COL26A1: variants seen among roughly 807,000 people sequenced by gnomAD.
COL26A1 encodes the protein collagen type XXVI alpha 1 chain.
A neutral mutation model predicts 59.3 loss-of-function variants in COL26A1; 41 were observed. That is an observed-to-expected ratio of 0.69 (90% CI 0.54 to 0.90). COL26A1 has a LOEUF of 0.90. Ranked by LOEUF, COL26A1 falls within the 40% of genes least tolerant of loss-of-function variation. The pLI is 0.00. For synonymous variants in COL26A1, 266 were observed against 256.0 expected, an observed-to-expected ratio of 1.04 and a Z score of -0.37; for missense variants, 612 against 602.3, an observed-to-expected ratio of 1.02 and a Z score of -0.17.
At chr7:101,468,421 C>T (rs1481083005) in intron 3 of COL26A1, among the ~76,000 whole-genome samples, 1 of 152,196 alleles carries the variant, frequency 6.6e-6, no homozygotes, top group Non-Finnish European at 1.5e-5. Context: ...TCTTTTATCA[C>T]TTTGTAAGTG....
chr7:101,434,067 TCCCTCCCTCCCTCCCTCC>T (rs1562976879), intron 2 of COL26A1, among the ~76,000 whole-genome samples: 25 of 49,492 alleles, frequency 5.1e-4, no homozygotes, highest in African/African-American at 1.6e-3. Context: ...CCTCCCTCCC[TCCCTCCCTCCCTCCCTCC>T]CTCCCTCTTT....
intron 3 of COL26A1, among the ~76,000 whole-genome samples, chr7:101,475,860 TTCTC>T (rs139010328): frequency 1.0e-3 from 138 of 132,540 alleles, no homozygotes; most frequent in Non-Finnish European, 1.9e-3. Flanking sequence ...CTCTCTCTTT[TTCTC>T]TCTCTTTCTT....
At chr7:101,385,855 C>G (rs181870803) in intron 1 of COL26A1, among the ~76,000 whole-genome samples, 2 of 152,112 alleles carry the variant, frequency 1.3e-5, no homozygotes, top group Admixed American at 1.3e-4. Flanking sequence ...CAGGCGCCCA[C>G]CACCACGCCC....
intron 1 of COL26A1, chr7:101,389,089 G>A (rs370707368): frequency 1.5e-4 from 27 of 180,612 alleles, no homozygotes; most frequent in African/African-American, 3.3e-4. Flanking sequence ...CTCAGTATCC[G>A]TCTTAACATT....
intron 1 of COL26A1, among the ~76,000 whole-genome samples, chr7:101,403,697 A>C (rs1792065630): frequency 6.6e-6 from 1 of 152,176 alleles, no homozygotes; most frequent in African/African-American, 2.4e-5. Flanking sequence ...TTTCAATGGC[A>C]GTCCTCTTCT....
At chr7:101,476,767 T>C (rs745327040) in intron 3 of COL26A1, among the ~76,000 whole-genome samples, 29 of 151,398 alleles carry the variant, frequency 1.9e-4, no homozygotes, top group Admixed American at 4.6e-4. Context: ...CAGGATGGTC[T>C]CGATCTCCTG....
chr7:101,497,789 TG>T (rs1490862221), intron 3 of COL26A1, among the ~76,000 whole-genome samples: 10 of 152,176 alleles, frequency 6.6e-5, no homozygotes, highest in African/African-American at 2.4e-4. Flanking sequence ...AAGACCAGCT[TG>T]GGCAACATAG....
chr7:101,424,850 C>A (rs968886207), intron 2 of COL26A1, among the ~76,000 whole-genome samples: 2 of 152,070 alleles, frequency 1.3e-5, no homozygotes, highest in Non-Finnish European at 2.9e-5. Flanking sequence ...TTTGTGGCAG[C>A]CATCTCACTG....
rs1415198671 is a variant in COL26A1, at chr7:101,539,940, C to T, written c.495C>T (p.Asp165=). ...AACGGCCCTCCAGCCCGGACAACGA[C>T]CTGCCAGCCCCCGAGAGCACTCCGC... is the stretch of plus-strand genomic sequence containing the variant. The part of the protein sequence containing the change: ...AAERPSSPDN[D]LPAPESTPPT... Residue 165 remains aspartate, a synonymous_variant, in exon 5 of 13, where the codon GAC becomes GAT. Transcript: ENST00000313669. The T allele has an allele frequency of 6.2e-7, 1 of 1,613,682 alleles. No individual in the cohort carries two copies. Among genetic ancestry groups the T allele is most frequent in the Non-Finnish European group, 8.5e-7 (1 of 1,179,820 alleles).
At chr7:101,420,739 TAGTC>T (rs1490183200) in intron 2 of COL26A1, among the ~76,000 whole-genome samples, 4 of 15,146 alleles carry the variant, frequency 2.6e-4, no homozygotes, top group African/African-American at 5.3e-4. Context: ...GCCCCGCCCA[TAGTC>T]AGCCCTTCCC....
chr7:101,493,330 A>C lies in COL26A1; in HGVS notation c.386-39752A>C, dbSNP rs1227561214. ...CCCAGTACTCCACCCTTACCCCTTC[A>C]GTGTTTGCCTGGCAGGCTCTAGTCC... is the stretch of plus-strand genomic sequence containing the variant. On this transcript the variant is annotated intron_variant, in intron 3 of 12. Transcript: ENST00000313669. Among the ~76,000 whole-genome samples the C allele has an allele frequency of 3.4e-5, 5 of 145,896 alleles. No individual in the cohort carries two copies. The East Asian group carries it at 1.0e-3, about 29-fold the overall frequency.
chr7:101,456,226 T>C (rs1391289078), intron 3 of COL26A1, among the ~76,000 whole-genome samples: 1 of 151,428 alleles, frequency 6.6e-6, no homozygotes, highest in East Asian at 1.9e-4. Flanking sequence ...TTTTCTCTTT[T>C]TTTGAGATAG....
intron 6 of COL26A1, 81 bp downstream of exon 6, chr7:101,544,177 G>A: frequency 1.8e-6 from 2 of 1,081,220 alleles, no homozygotes; most frequent in Non-Finnish European, 2.7e-6. Context: ...CAGGCGAGGT[G>A]TCCCACGCAC....
intron 3 of COL26A1, among the ~76,000 whole-genome samples, chr7:101,485,699 G>A (rs1007648610): frequency 5.3e-5 from 8 of 152,146 alleles, no homozygotes; most frequent in African/African-American, 1.9e-4. Flanking sequence ...AAGGCTCTTT[G>A]GTGAGACAGA....
At chr7:101,374,953 T>C (rs779148883) in intron 1 of COL26A1, among the ~76,000 whole-genome samples, 38 of 151,668 alleles carry the variant, frequency 2.5e-4, no homozygotes, top group Non-Finnish European at 4.6e-4. Flanking sequence ...TCCAGCTACT[T>C]GGGAGGCTGA....
chr7:101,528,039 G>A (rs1250394898), intron 3 of COL26A1, among the ~76,000 whole-genome samples: 1 of 152,148 alleles, frequency 6.6e-6, no homozygotes, highest in Non-Finnish European at 1.5e-5. Flanking sequence ...AATCCCGTCC[G>A]GTTCTGGAGC....
chr7:101,398,477 C>A (rs6947185), intron 1 of COL26A1, among the ~76,000 whole-genome samples: 99,243 of 151,954 alleles, frequency 0.65, 32,555 homozygotes, highest in Middle Eastern at 0.71. Context: ...TGGACATGTC[C>A]GCTTATGGAC....
chr7:101,526,877 C>T (rs1416540349), intron 3 of COL26A1, among the ~76,000 whole-genome samples: 5 of 152,150 alleles, frequency 3.3e-5, no homozygotes, highest in South Asian at 2.1e-4. Flanking sequence ...AGAGAGAGGG[C>T]GTCTCAAGCC....
At chr7:101,519,325 C>G (rs1191792213) in intron 3 of COL26A1, among the ~76,000 whole-genome samples, 1 of 152,164 alleles carries the variant, frequency 6.6e-6, no homozygotes, top group Non-Finnish European at 1.5e-5. Flanking sequence ...TAGTTTTTCC[C>G]CTAGAGACAG....
Sources: gnomAD v4.1 joint callset for allele counts (sites outside exome capture counted in the v4.1 genomes callset) on GRCh38, gnomAD v4.1.1 for gene constraint, MANE v1.5 for transcripts, NCBI Gene and HGNC (gene_info 2026-07-23, HGNC 2026-07-21) for gene names.